Variants in SLCO1B3 observed in about 807,000 individuals in gnomAD.
SLCO1B3 encodes solute carrier organic anion transporter family member 1B3.
A neutral mutation model predicts 71.8 loss-of-function variants in SLCO1B3; 72 were observed. The observed-to-expected ratio is 1.00, with a 90% CI of 0.83 to 1.22. SLCO1B3 has a LOEUF of 1.22. Among genes scored for constraint, SLCO1B3 ranks in the 50% most tolerant of loss-of-function variants. SLCO1B3 has a pLI of 0.00. For synonymous variants in SLCO1B3, 298 were observed against 278.4 expected, an observed-to-expected ratio of 1.07 and a Z score of -0.70; for missense variants, 911 against 819.7, an observed-to-expected ratio of 1.11 and a Z score of -1.36.
intron 3 of SLCO1B3, among the ~76,000 whole-genome samples, chr12:20,816,540 C>T (rs1864197124): frequency 6.6e-6 from 1 of 152,160 alleles, no homozygotes; most frequent in African/African-American, 2.4e-5. Context: ...TTCATTCTTT[C>T]TATAGCTGAA....
chr12:20,904,807 T>C (rs1866206964), intron 15 of SLCO1B3, among the ~76,000 whole-genome samples: 1 of 132,424 alleles, frequency 7.6e-6, no homozygotes, highest in African/African-American at 3.0e-5. Context: ...AGTGTCTTGC[T>C]CTGATGCCCA....
intron 3 of SLCO1B3, among the ~76,000 whole-genome samples, chr12:20,825,107 G>A (rs1204238807): frequency 6.6e-6 from 1 of 152,068 alleles, no homozygotes; most frequent in African/African-American, 2.4e-5. Context: ...TTGACCATAA[G>A]CTATAATTTC....
intron 3 of SLCO1B3, among the ~76,000 whole-genome samples, chr12:20,854,413 T>C (rs981530192): frequency 6.6e-6 from 1 of 152,192 alleles, no homozygotes; most frequent in Non-Finnish European, 1.5e-5. Context: ...AATTGTTGGC[T>C]CTTCCTGGTG....
At chr12:20,823,946 T>G (rs1291308979) in intron 3 of SLCO1B3, among the ~76,000 whole-genome samples, 2 of 152,190 alleles carry the variant, frequency 1.3e-5, no homozygotes, top group Non-Finnish European at 2.9e-5. Flanking sequence ...GTCATTCCAG[T>G]CAAGGACTTA....
chr12:20,891,187 C>A (rs1413684919), intron 13 of SLCO1B3, among the ~76,000 whole-genome samples: 1 of 152,106 alleles, frequency 6.6e-6, no homozygotes, highest in African/African-American at 2.4e-5. Context: ...AGAACTCCTT[C>A]AAGCCTTTCT....
At chr12:20,873,603 A>T (rs117261461) in intron 8 of SLCO1B3, among the ~76,000 whole-genome samples, 5,107 of 152,256 alleles carry the variant, frequency 0.034, 148 homozygotes, top group Non-Finnish European at 0.058. Flanking sequence ...AGCATTTTTT[A>T]AAAATTTTAT....
In SLCO1B3 at chr12:20,880,234, A is replaced by G. The variant is rs184824516; in HGVS notation, c.1331+603A>G. On this transcript the variant is annotated intron_variant, in intron 11 of 15. Coordinates refer to ENST00000381545, the MANE Select transcript of SLCO1B3 (RefSeq NM_019844.4). The stretch of plus-strand genomic sequence containing the variant: ...ATTATATTATAAAGTAAATCAGTAT[A>G]AACAGTATTATAGTTTTATTCAGAA... Among the ~76,000 whole-genome samples, 30 of 151,524 alleles carry G rather than the reference A, an allele frequency of 2.0e-4. 1 individual carries two copies. The East Asian group carries it at 5.8e-3, about 29-fold the overall frequency.
chr12:20,885,632 C>T (rs1865779774), intron 13 of SLCO1B3, among the ~76,000 whole-genome samples: 1 of 151,728 alleles, frequency 6.6e-6, no homozygotes, highest in African/African-American at 2.4e-5. Flanking sequence ...AGAGAAGCTA[C>T]AAGCCATGCT....
chr12:20,831,228 G>A (rs936597260), intron 3 of SLCO1B3, among the ~76,000 whole-genome samples: 5 of 151,876 alleles, frequency 3.3e-5, no homozygotes, highest in African/African-American at 9.7e-5. Flanking sequence ...GTGGTGGCAC[G>A]CGCCTGTAGT....
intron 3 of SLCO1B3, among the ~76,000 whole-genome samples, chr12:20,816,961 G>A (rs936753972): frequency 3.3e-5 from 5 of 152,172 alleles, no homozygotes; most frequent in Non-Finnish European, 5.9e-5. Context: ...CTGATGTTGA[G>A]CACTTCTTCC....
At chr12:20,872,338 T>C (rs141627094) in intron 8 of SLCO1B3, among the ~76,000 whole-genome samples, 24 of 151,448 alleles carry the variant, frequency 1.6e-4, no homozygotes, top group African/African-American at 5.3e-4. Context: ...TAGACTTGCC[T>C]CTGGCCCAGG....
rs777677238 is a variant in SLCO1B3 at position 20,916,282 on chromosome 12, G to A, written c.*35G>A. ...GATTCATTAAGATGTTATTTTTGAGGTGTTCCTGGTCTTTCACTGACAATT... is the reference window on the plus strand; with the variant it reads ...GATTCATTAAGATGTTATTTTTGAGATGTTCCTGGTCTTTCACTGACAATT... On this transcript the variant is annotated 3_prime_UTR_variant, in exon 16 of 16. Transcript: ENST00000381545. 3.1e-6 allele frequency: 5 copies of A among 1,592,750 alleles called. No homozygotes were observed. The Admixed American group carries it at 5.2e-5, about 16-fold the overall frequency.
At chr12:20,854,403 A>G (rs1348512365) in intron 3 of SLCO1B3, among the ~76,000 whole-genome samples, 1 of 152,032 alleles carries the variant, frequency 6.6e-6, no homozygotes, top group Non-Finnish European at 1.5e-5. Context: ...ATCTATTTAT[A>G]ATTGTTGGCT....
chr12:20,876,410 T>G (rs564216315), intron 9 of SLCO1B3, among the ~76,000 whole-genome samples: 1 of 152,320 alleles, frequency 6.6e-6, no homozygotes, highest in African/African-American at 2.4e-5. Flanking sequence ...TGGCACTTTT[T>G]AAAGTTTTCA....
intron 3 of SLCO1B3, among the ~76,000 whole-genome samples, chr12:20,817,850 A>G (rs1277916786): frequency 2.0e-5 from 3 of 152,014 alleles, no homozygotes; most frequent in Admixed American, 1.3e-4. Context: ...TCGGCCTCCG[A>G]AAGTGCTGGG....
intron 13 of SLCO1B3, among the ~76,000 whole-genome samples, chr12:20,886,581 A>T (rs1157841966): frequency 6.6e-6 from 1 of 152,096 alleles, no homozygotes; most frequent in East Asian, 1.9e-4. Flanking sequence ...AACTATGTCA[A>T]GGCCTGCTGA....
intron 15 of SLCO1B3, among the ~76,000 whole-genome samples, chr12:20,915,501 G>A (rs1225042256): frequency 6.6e-6 from 1 of 152,054 alleles, no homozygotes; most frequent in African/African-American, 2.4e-5. Context: ...TGTGTTTATT[G>A]TCTTTTAGTA....
chr12:20,840,037 A>C (rs1005541402), intron 3 of SLCO1B3, among the ~76,000 whole-genome samples: 1 of 152,098 alleles, frequency 6.6e-6, no homozygotes, highest in Middle Eastern at 3.2e-3. Context: ...TCTCGGCTTA[A>C]ATTGCTCATC....
intron 3 of SLCO1B3, among the ~76,000 whole-genome samples, chr12:20,851,247 A>C (rs11045560): frequency 0.67 from 101,334 of 151,920 alleles, 37,012 homozygotes; most frequent in South Asian, 0.84. Flanking sequence ...AAAACTCCAA[A>C]CTAGTTTTCA....
Sources: gnomAD v4.1 joint callset for allele counts (sites outside exome capture counted in the v4.1 genomes callset) on GRCh38, gnomAD v4.1.1 for gene constraint, MANE v1.5 for transcripts, NCBI Gene and HGNC (gene_info 2026-07-23, HGNC 2026-07-21) for gene names.